The following CAMTA1 variants were observed in gnomAD, a reference collection of about 807,000 sequenced individuals.
The protein encoded by CAMTA1 is calmodulin binding transcription activator 1, also known as calmodulin-binding transcription activator 1.
In CAMTA1, 27 loss-of-function variants were observed where a neutral mutation model predicts 170.9. The ratio of observed to expected loss-of-function variants is 0.16; its 90% CI spans 0.12 to 0.22. CAMTA1 has a LOEUF of 0.22. Ranked by LOEUF, CAMTA1 falls within the 10% of genes least tolerant of loss-of-function variation. CAMTA1 has a pLI of 1.00. For missense variants in CAMTA1, 1,619 were observed against 2,217.2 expected (o/e 0.73, Z 5.42); for synonymous variants, 833 against 891.5 (o/e 0.93, Z 1.17).
At chr1:7,369,245 G>A (rs1000692970) in intron 5 of CAMTA1, 3 of 152,202 alleles carry the variant, frequency 2.0e-5, no homozygotes, top group African/African-American at 7.2e-5. Flanking sequence ...TTCTGTAGGT[G>A]AGATCCGTGA....
At chr1:7,728,493 GT>G (rs977026726) in intron 11 of CAMTA1, among the ~76,000 whole-genome samples, 2 of 152,252 alleles carry the variant, frequency 1.3e-5, no homozygotes, top group Admixed American at 1.3e-4. Flanking sequence ...TCTGGAACAA[GT>G]GAAATGGATG....
intron 6 of CAMTA1, among the ~76,000 whole-genome samples, chr1:7,610,674 C>G (rs1253841800): frequency 1.4e-4 from 22 of 152,214 alleles, no homozygotes; most frequent in Admixed American, 1.4e-3. Context: ...AGTGGAGCCA[C>G]AAGACCAGAA....
At chr1:7,698,542 A>T (rs896745317) in intron 11 of CAMTA1, 2 of 152,660 alleles carry the variant, frequency 1.3e-5, no homozygotes, top group Non-Finnish European at 2.9e-5. Flanking sequence ...CCAGGCCAGG[A>T]CCCCGTTCCC....
chr1:7,746,336 A>G (rs2096856839), intron 18 of CAMTA1, among the ~76,000 whole-genome samples: 1 of 152,242 alleles, frequency 6.6e-6, no homozygotes, highest in African/African-American at 2.4e-5. Context: ...TCTGTTTTAA[A>G]GTGTGCAGTG....
At chr1:7,310,439 A>G (rs563827120) in intron 5 of CAMTA1, among the ~76,000 whole-genome samples, 1 of 152,236 alleles carries the variant, frequency 6.6e-6, no homozygotes, top group Non-Finnish European at 1.5e-5. Flanking sequence ...TAGATACTGC[A>G]TAACAGAATA....
At chr1:7,096,229 C>T (rs11580767) in intron 4 of CAMTA1, among the ~76,000 whole-genome samples, 25,374 of 152,122 alleles carry the variant, frequency 0.17, 2,549 homozygotes, top group South Asian at 0.26. Context: ...TCCAGTGGCT[C>T]AGAGAGAGCT....
intron 5 of CAMTA1, among the ~76,000 whole-genome samples, chr1:7,315,958 G>T (rs924847795): frequency 1.3e-5 from 2 of 152,172 alleles, no homozygotes; most frequent in African/African-American, 4.8e-5. Context: ...GTTCCATATG[G>T]CTGGGGAGGC....
chr1:7,082,500 C>T (rs1219052767), intron 3 of CAMTA1, among the ~76,000 whole-genome samples: 1 of 134,896 alleles, frequency 7.4e-6, no homozygotes, highest in Non-Finnish European at 1.6e-5. Context: ...TAGCACAGCT[C>T]TTTGTGTGGC....
At chr1:7,237,066 C>T (rs1382320773) in intron 4 of CAMTA1, among the ~76,000 whole-genome samples, 1 of 152,158 alleles carries the variant, frequency 6.6e-6, no homozygotes, top group Non-Finnish European at 1.5e-5. Context: ...AGGCCCTTCC[C>T]TGTGCCTTGT....
chr1:6,856,277 GTT>G (rs765416471), intron 3 of CAMTA1, among the ~76,000 whole-genome samples: 1 of 122,892 alleles, frequency 8.1e-6, no homozygotes, highest in Non-Finnish European at 1.7e-5. Context: ...TGGAACCAGT[GTT>G]TTTTTTTTTT....
Position 7,103,509 on chromosome 1 carries a change from C to G in CAMTA1, c.302+12138C>G, listed in dbSNP as rs189626784. Among the ~76,000 whole-genome samples, 406 of 148,580 alleles carry G rather than the reference C, an allele frequency of 2.7e-3. 1 individual carries two copies. Among genetic ancestry groups the G allele is most frequent in the African/African-American group, 9.3e-3 (373 of 40,084 alleles). On this transcript the variant is annotated intron_variant, in intron 4 of 22. Transcript: ENST00000303635. ...CACGTACACACAACACAGATACACA[C>G]TACACACGTACACACAACACACAAC...
At chr1:7,242,415 C>G (rs1325566527) in intron 4 of CAMTA1, among the ~76,000 whole-genome samples, 1 of 152,150 alleles carries the variant, frequency 6.6e-6, no homozygotes, top group Non-Finnish European at 1.5e-5. Flanking sequence ...GTATCTTTCA[C>G]ATATTGTTGC....
At chr1:7,110,260 T>C (rs1183040312) in intron 4 of CAMTA1, among the ~76,000 whole-genome samples, 1 of 151,996 alleles carries the variant, frequency 6.6e-6, no homozygotes, top group Non-Finnish European at 1.5e-5. Context: ...CCCATTAGAA[T>C]TTTCAGCACC....
At chr1:7,759,070 G>T (rs185316138) in intron 22 of CAMTA1, among the ~76,000 whole-genome samples, 69 of 151,982 alleles carry the variant, frequency 4.5e-4, no homozygotes, top group African/African-American at 1.6e-3. Flanking sequence ...GATTGCTTGA[G>T]CCCAGAAGGT....
intron 5 of CAMTA1, among the ~76,000 whole-genome samples, chr1:7,412,246 T>C (rs1451499175): frequency 6.6e-6 from 1 of 152,152 alleles, no homozygotes; most frequent in African/African-American, 2.4e-5. Flanking sequence ...TATAGCAGCA[T>C]GATTTATAGT....
At chr1:7,749,559 A>G (rs1288093759) in intron 19 of CAMTA1, among the ~76,000 whole-genome samples, 2 of 151,886 alleles carry the variant, frequency 1.3e-5, no homozygotes, top group African/African-American at 4.8e-5. Flanking sequence ...AACCCTCCCC[A>G]GAAACTGTCA....
chr1:7,738,176 A>G lies in CAMTA1; in HGVS notation c.3876A>G (p.Gly1292=). ...CCGAGACACTCAGCCCCAGTGAAGGAGTGAGGGACTTCAGCCGGGAACTCT... is the reference window on the plus strand; with the variant it reads ...CCGAGACACTCAGCCCCAGTGAAGGGGTGAGGGACTTCAGCCGGGAACTCT... The part of the protein sequence containing the change: ...SVPETLSPSE[G]VRDFSRELSP... The change falls in exon 16 of 23, where the codon GGA becomes GGG. Residue 1292 remains glycine, a synonymous_variant. Transcript: ENST00000303635. The surrounding 1 kb of genome is among the most constrained non-coding windows in gnomAD (Gnocchi z 4.9). The G allele has an allele frequency of 6.2e-7, 1 of 1,613,968 alleles. No homozygotes were observed. The highest frequency in any genetic ancestry group is 8.5e-7 in the Non-Finnish European group (1 of 1,179,974).
At chr1:6,800,719 G>A (rs949179725) in intron 1 of CAMTA1, among the ~76,000 whole-genome samples, 3 of 152,144 alleles carry the variant, frequency 2.0e-5, no homozygotes, top group African/African-American at 4.8e-5. Flanking sequence ...TTAGAAACTC[G>A]TGTGGATTGG....
At chr1:7,741,614 G>C (rs2096817070) in intron 16 of CAMTA1, among the ~76,000 whole-genome samples, 1 of 152,038 alleles carries the variant, frequency 6.6e-6, no homozygotes, top group Non-Finnish European at 1.5e-5. Flanking sequence ...GCTACAGAAG[G>C]ACAGGTGCGG....
Sources: allele counts gnomAD v4.1 joint callset (sites outside exome capture counted in the v4.1 genomes callset), GRCh38; gene constraint gnomAD v4.1.1; non-coding constraint Gnocchi (gnomAD v3.1); transcripts MANE v1.5; gene names NCBI Gene and HGNC (gene_info 2026-07-23, HGNC 2026-07-21).